Variants in NETO1 observed in about 807,000 individuals in gnomAD.
NETO1 encodes the protein neuropilin and tolloid like 1.
A neutral mutation model predicts 61.3 loss-of-function variants in NETO1; 26 were observed. That is an observed-to-expected ratio of 0.42 (90% CI 0.31 to 0.59). The LOEUF is 0.59. Ranked by LOEUF, NETO1 falls within the 20% of genes least tolerant of loss-of-function variation. NETO1 has a pLI of 0.12. For synonymous variants in NETO1, 225 were observed against 225.8 expected (o/e 1.00, Z 0.03); for missense variants, 531 against 662.8 (o/e 0.80, Z 2.18).
intron 4 of NETO1, among the ~76,000 whole-genome samples, chr18:72,828,281 A>T (rs941416576): frequency 5.3e-5 from 8 of 152,142 alleles, no homozygotes; most frequent in Admixed American, 5.2e-4. Context: ...ATTGCACTCC[A>T]TCCTGGGCAA....
chr18:72,835,154 A>G (rs2073703172), intron 4 of NETO1: 2 of 1,272,618 alleles, frequency 1.6e-6, no homozygotes, highest in South Asian at 2.9e-5. Flanking sequence ...TTGAGCAAAC[A>G]GCATTTTCAA....
At chr18:72,857,024 G>A (rs1235811896) in intron 4 of NETO1, among the ~76,000 whole-genome samples, 1 of 152,206 alleles carries the variant, frequency 6.6e-6, no homozygotes, top group Non-Finnish European at 1.5e-5. Flanking sequence ...TAGAAGAGGT[G>A]TAGATGGTTA....
chr18:72,816,519 A>G (rs2073037887), intron 4 of NETO1, among the ~76,000 whole-genome samples: 1 of 152,150 alleles, frequency 6.6e-6, no homozygotes, highest in South Asian at 2.1e-4. Context: ...GCCATTTGGG[A>G]GCGGGGGAAA....
At chr18:72,852,375 C>T (rs140852235) in intron 4 of NETO1, among the ~76,000 whole-genome samples, 1,722 of 152,192 alleles carry the variant, frequency 0.011, 39 homozygotes, top group African/African-American at 0.039. Flanking sequence ...CCACCACGAC[C>T]GGCTAATTTT....
chr18:72,769,836 A>G (rs2071293490), intron 7 of NETO1, among the ~76,000 whole-genome samples: 1 of 152,140 alleles, frequency 6.6e-6, no homozygotes, highest in Admixed American at 6.5e-5. Context: ...GAGTATATGT[A>G]CATTCCCAGA....
intron 9 of NETO1, among the ~76,000 whole-genome samples, chr18:72,749,582 C>G (rs1327437065): frequency 6.6e-6 from 1 of 151,684 alleles, no homozygotes; most frequent in African/African-American, 2.4e-5. Context: ...GTGTTCCTAC[C>G]AAAAATAAAT....
intron 4 of NETO1, among the ~76,000 whole-genome samples, chr18:72,843,258 C>T (rs75355389): frequency 0.086 from 13,108 of 152,124 alleles, 783 homozygotes; most frequent in East Asian, 0.17. Flanking sequence ...CTTGCAATTG[C>T]AATTAGTGTA....
intron 7 of NETO1, among the ~76,000 whole-genome samples, chr18:72,766,325 T>C (rs1330570052): frequency 6.6e-6 from 1 of 151,906 alleles, no homozygotes; most frequent in Non-Finnish European, 1.5e-5. Context: ...ATATAAAATA[T>C]ATTTGGCCAT....
chr18:72,832,876 AACAG>A (rs560270038), intron 4 of NETO1, among the ~76,000 whole-genome samples: 83 of 152,302 alleles, frequency 5.4e-4, no homozygotes, highest in African/African-American at 1.9e-3. Flanking sequence ...ATGTTTTCTG[AACAG>A]ACAGATACAC....
intron 7 of NETO1, among the ~76,000 whole-genome samples, chr18:72,772,320 C>T (rs1159867875): frequency 6.6e-6 from 1 of 152,096 alleles, no homozygotes; most frequent in Non-Finnish European, 1.5e-5. Flanking sequence ...TGATTGGGGA[C>T]TGTGATTATA....
At chr18:72,751,351 G>A (rs1236437598) in intron 8 of NETO1, among the ~76,000 whole-genome samples, 1 of 152,168 alleles carries the variant, frequency 6.6e-6, no homozygotes, top group African/African-American at 2.4e-5. Context: ...TTTGAGCCAT[G>A]ACTTGCTTCC....
chr18:72,832,603 A>T (rs1245775723), intron 4 of NETO1, among the ~76,000 whole-genome samples: 1 of 152,160 alleles, frequency 6.6e-6, no homozygotes, highest in Non-Finnish European at 1.5e-5. Context: ...CTGGTAGTTG[A>T]TGTGTCTAAG....
intron 6 of NETO1, 120 bp from the exon 7 acceptor site, chr18:72,784,026 T>G (rs2071830545): frequency 7.3e-6 from 5 of 685,766 alleles, no homozygotes; most frequent in Non-Finnish European, 1.2e-5. Flanking sequence ...ATCTTATTAT[T>G]TTCCCTTGTG....
rs1307944248 is a variant in NETO1, at chr18:72,748,089, G to A, written c.*90C>T. The A allele has an allele frequency of 1.1e-6, 1 of 942,226 alleles. No individual in the cohort carries two copies. Among genetic ancestry groups the A allele is most frequent in the Non-Finnish European group, 1.3e-6 (1 of 790,320 alleles). The allele number at this position is 942,226 out of a possible 1,614,324, so 58.4% of individuals were successfully genotyped here. A position where few individuals can be genotyped will look rare whatever the true frequency, so the allele number is the denominator to read the frequency against. On this transcript the variant is annotated 3_prime_UTR_variant, in exon 11 of 11. Transcript: ENST00000327305. ...GGATAAAGGCAGTGGAATGAATTTAGAAATATGTCCACTTTTCACAATTCA... is the reference window on the plus strand; with the variant it reads ...GGATAAAGGCAGTGGAATGAATTTAAAAATATGTCCACTTTTCACAATTCA...
intron 4 of NETO1, among the ~76,000 whole-genome samples, chr18:72,855,106 G>T (rs552908718): frequency 1.3e-5 from 2 of 152,126 alleles, no homozygotes; most frequent in South Asian, 4.2e-4. Flanking sequence ...TAAATTGTTT[G>T]AGTTATCAAA....
chr18:72,835,434 A>G, intron 4 of NETO1: 1 of 724,104 alleles, frequency 1.4e-6, no homozygotes, highest in Non-Finnish European at 2.3e-6. Context: ...GCAAATCCAA[A>G]GTAGGAATAC....
intron 4 of NETO1, among the ~76,000 whole-genome samples, chr18:72,798,602 A>ATTATT (rs2072398186): frequency 6.6e-6 from 1 of 152,138 alleles, no homozygotes. Context: ...TGACACACCC[A>ATTATT]TTATTTTATT....
chr18:72,807,257 G>C (rs1476216842), intron 4 of NETO1, among the ~76,000 whole-genome samples: 1 of 152,138 alleles, frequency 6.6e-6, no homozygotes, highest in Non-Finnish European at 1.5e-5. Context: ...TGTGGGCACA[G>C]AGTATATATA....
At chr18:72,755,762 GT>G (rs1480920932) in intron 8 of NETO1, among the ~76,000 whole-genome samples, 1 of 152,026 alleles carries the variant, frequency 6.6e-6, no homozygotes, top group Admixed American at 6.6e-5. Context: ...GAAAGCTCCC[GT>G]TTTCATAGCT....
Sources: allele counts gnomAD v4.1 joint callset (sites outside exome capture counted in the v4.1 genomes callset), GRCh38; gene constraint gnomAD v4.1.1; transcripts MANE v1.5; gene names NCBI Gene and HGNC (gene_info 2026-07-23, HGNC 2026-07-21).